Variants in ATRX observed in about 807,000 individuals in gnomAD.
ATRX encodes chromatin remodeler ATRX.
In ATRX, 12 loss-of-function variants were observed where a neutral mutation model predicts 172.6. The observed-to-expected ratio is 0.07, with a 90% CI of 0.04 to 0.11. ATRX has a LOEUF of 0.11. Among genes scored for constraint, ATRX ranks in the 10% least tolerant of loss-of-function variants. ATRX has a pLI of 1.00. For missense variants in ATRX, 1,368 were observed against 1,767.4 expected, an observed-to-expected ratio of 0.77 and a Z score of 4.05; for synonymous variants, 674 against 594.7, an observed-to-expected ratio of 1.13 and a Z score of -1.94.
At chrX:77,540,549 T>G (rs1486010873) in intron 30 of ATRX, among the ~76,000 whole-genome samples, 2 of 111,962 alleles carry the variant, frequency 1.8e-5, no homozygotes, top group African/African-American at 3.3e-5. Flanking sequence ...ATTCTAAAAT[T>G]GACCACATAA....
intron 34 of ATRX, among the ~76,000 whole-genome samples, chrX:77,509,908 G>GGGT (rs1557035634): frequency 1.9e-5 from 1 of 51,530 alleles, no homozygotes; most frequent in African/African-American, 5.9e-5. Context: ...AGTGGACGGG[G>GGGT]GGCGGGGGGG....
intron 2 of ATRX, 57 bp downstream of exon 2, chrX:77,717,074 T>C (rs1370287026): frequency 1.1e-5 from 10 of 946,447 alleles, no homozygotes; most frequent in Non-Finnish European, 1.3e-5. Context: ...CCTCCATAAG[T>C]GTAAAAAAAA....
intron 33 of ATRX, 148 bp downstream of exon 33, chrX:77,521,255 C>T (rs782024447): frequency 1.2e-4 from 60 of 494,731 alleles, no homozygotes; most frequent in Non-Finnish European, 1.9e-4. Context: ...TGCTGGGTTA[C>T]GGTTTGGCAT....
chrX:77,764,900 T>C (rs1490841372), intron 1 of ATRX, among the ~76,000 whole-genome samples: 1 of 112,209 alleles, frequency 8.9e-6, no homozygotes, highest in Non-Finnish European at 1.9e-5. Context: ...AACAACTGTG[T>C]TGGCAGGGTG....
intron 22 of ATRX, among the ~76,000 whole-genome samples, chrX:77,601,799 T>G (rs1380048962): frequency 1.8e-5 from 2 of 112,077 alleles, no homozygotes; most frequent in African/African-American, 6.5e-5. Context: ...ATATGAAACA[T>G]TAATAATGCA....
chrX:77,725,926 C>A (rs2074012716), intron 1 of ATRX, among the ~76,000 whole-genome samples: 2 of 112,068 alleles, frequency 1.8e-5, no homozygotes, highest in South Asian at 7.4e-4. Flanking sequence ...CAATGAGATA[C>A]CATCTCATGC....
Position 77,558,633 on chromosome X carries a change from A to G in ATRX, c.6504+36T>C, listed in dbSNP as rs112091492. 659 of 1,097,348 alleles carry G rather than the reference A, an allele frequency of 6.0e-4. 1 individual carries two copies. The highest frequency in any genetic ancestry group is 3.4e-3 in the African/African-American group (188 of 54,639). The allele number at this position is 1,097,348 out of a possible 1,213,427, so 90.4% of individuals were successfully genotyped here. A position where few individuals can be genotyped will look rare whatever the true frequency, so the allele number is the denominator to read the frequency against. On this transcript the variant is annotated intron_variant, in intron 29 of 34. Coordinates refer to ENST00000373344, the MANE Select transcript of ATRX (RefSeq NM_000489.6). The stretch of plus-strand genomic sequence containing the variant: ...CTCTAAAATATTATCAGTTTCACAT[A>G]AACTTTCAATATGAAAAAGAGAATT...
intron 29 of ATRX, among the ~76,000 whole-genome samples, chrX:77,558,247 GA>G (rs1286704358): frequency 6.4e-5 from 7 of 109,868 alleles, no homozygotes; most frequent in Non-Finnish European, 1.1e-4. Context: ...TAACAGGAAA[GA>G]AAAAAATAAA....
At chrX:77,561,336 C>A (rs187637496) in intron 28 of ATRX, among the ~76,000 whole-genome samples, 92 of 110,992 alleles carry the variant, frequency 8.3e-4, no homozygotes, top group Admixed American at 1.7e-3. Context: ...TACACACACA[C>A]ACAACACACA....
In ATRX at chrX:77,681,943, G is replaced by T. The variant is rs1557137677; in HGVS notation, c.3313C>A (p.Gln1105Lys). ...KLLGKSSRKR[Q>K]DCSSSDTEKY... ...TCAGTATCAGATGATGAACAATCTTGTCTCTTCCTTGAACTCTTTCCAAGC... is the reference window on the plus strand; with the variant it reads ...TCAGTATCAGATGATGAACAATCTTTTCTCTTCCTTGAACTCTTTCCAAGC... The change falls in exon 9 of 35, where the codon CAA (glutamine) becomes AAA (lysine). Residue 1105 changes from glutamine (Q) to lysine (K), a missense_variant. Coordinates refer to ENST00000373344, the MANE Select transcript of ATRX (RefSeq NM_000489.6). 1.7e-6 allele frequency: 2 copies of T among 1,210,202 alleles called. No homozygotes were observed. Among genetic ancestry groups the T allele is most frequent in the African/African-American group, 1.7e-5 (1 of 57,560 alleles).
At chrX:77,522,420 T>A in intron 31 of ATRX, 32 bp from the exon 32 acceptor site, 1 of 1,203,162 alleles carries the variant, frequency 8.3e-7, no homozygotes, top group African/African-American at 1.7e-5. Flanking sequence ...ACTTTTCACA[T>A]TGTGATTTAA....
intron 1 of ATRX, among the ~76,000 whole-genome samples, chrX:77,720,477 A>G (rs1253349644): frequency 1.5e-4 from 17 of 111,793 alleles, no homozygotes; most frequent in African/African-American, 5.5e-4. Flanking sequence ...GATGCAATAA[A>G]AAATGATAAA....
chrX:77,712,936 G>C (rs1473355775), intron 2 of ATRX, among the ~76,000 whole-genome samples: 2 of 111,570 alleles, frequency 1.8e-5, no homozygotes, highest in Non-Finnish European at 3.8e-5. Context: ...GGATCATGAA[G>C]TCAAGAGATC....
intron 15 of ATRX, among the ~76,000 whole-genome samples, chrX:77,640,355 T>A: frequency 9.2e-6 from 1 of 108,551 alleles, no homozygotes; most frequent in African/African-American, 3.4e-5. Flanking sequence ...AAATGATAAA[T>A]ACACAGCAAT....
At chrX:77,781,441 CA>C (rs781859880) in intron 1 of ATRX, among the ~76,000 whole-genome samples, 2,169 of 28,862 alleles carry the variant, frequency 0.075, 19 homozygotes, top group African/African-American at 0.14. Context: ...GACTCTGTCT[CA>C]AAAAAAAAAA....
At chrX:77,558,565 T>C in intron 29 of ATRX, 104 bp downstream of exon 29, 1 of 753,594 alleles carries the variant, frequency 1.3e-6, no homozygotes, top group Non-Finnish European at 2.0e-6. Flanking sequence ...AAATGGTATT[T>C]CCAACTTTGT....
intron 1 of ATRX, among the ~76,000 whole-genome samples, chrX:77,775,176 A>C (rs1453027620): frequency 8.9e-6 from 1 of 111,952 alleles, no homozygotes; most frequent in African/African-American, 3.2e-5. Context: ...GAAAAATAAT[A>C]ATAGAGGATG....
intron 1 of ATRX, among the ~76,000 whole-genome samples, chrX:77,731,148 C>T (rs2074283890): frequency 9.6e-6 from 1 of 103,683 alleles, no homozygotes; most frequent in African/African-American, 3.5e-5. Flanking sequence ...AGAATGGAGA[C>T]ATTACAATGA....
chrX:77,599,894 T>C, intron 23 of ATRX, 74 bp from the exon 24 acceptor site: 2 of 863,301 alleles, frequency 2.3e-6, no homozygotes, highest in Non-Finnish European at 1.7e-6. Flanking sequence ...GATGTTCATT[T>C]AAGAATAAGT....
Sources: gnomAD v4.1 joint callset for allele counts (sites outside exome capture counted in the v4.1 genomes callset) on GRCh38, gnomAD v4.1.1 for gene constraint, MANE v1.5 for transcripts, NCBI Gene and HGNC (gene_info 2026-07-23, HGNC 2026-07-21) for gene names.